EYA4: variants seen among roughly 807,000 people sequenced by gnomAD.
EYA4 encodes protein phosphatase EYA4.
A neutral mutation model predicts 87.9 loss-of-function variants in EYA4; 31 were observed. The observed-to-expected ratio is 0.35, with a 90% CI of 0.27 to 0.48. The LOEUF (loss-of-function observed/expected upper bound fraction) is 0.48. Among genes scored for constraint, EYA4 ranks in the 20% least tolerant of loss-of-function variants. EYA4 has a pLI of 0.99. For synonymous variants in EYA4, 263 were observed against 270.6 expected (o/e 0.97, Z 0.28); for missense variants, 678 against 761.4 (o/e 0.89, Z 1.29).
intron 3 of EYA4, among the ~76,000 whole-genome samples, chr6:133,423,621 T>A (rs1458738047): frequency 6.6e-6 from 1 of 152,202 alleles, no homozygotes; most frequent in African/African-American, 2.4e-5. Flanking sequence ...ATTACAAAGG[T>A]AGTATAGTTT....
At chr6:133,525,028 T>C (rs1220914803) in intron 18 of EYA4, 126 bp from the exon 19 acceptor site, 1 of 1,613,496 alleles carries the variant, frequency 6.2e-7, no homozygotes. Context: ...AGGAAAGCTG[T>C]TTTGAGCGTA....
chr6:133,481,377 G>T lies in EYA4; in HGVS notation c.971-86G>T. 3.8e-6 allele frequency: 5 copies of T among 1,313,302 alleles called. No homozygotes were observed. In the Admixed American group the frequency reaches 8.4e-5, roughly 22 times the overall value. The allele number at this position is 1,313,302 out of a possible 1,614,324, so 81.4% of individuals were successfully genotyped here. ...CCATCAGGAGGTTTCTATTGTATAG[G>T]AATTTGTTAAGATAATTAATAATGA... On this transcript the variant is annotated intron_variant, in intron 11 of 19. Coordinates refer to ENST00000355286, the MANE Select transcript of EYA4 (RefSeq NM_004100.5).
intron 3 of EYA4, among the ~76,000 whole-genome samples, chr6:133,410,432 A>G (rs1335138278): frequency 6.6e-6 from 1 of 151,702 alleles, no homozygotes; most frequent in Non-Finnish European, 1.5e-5. Context: ...TATTTTGAGA[A>G]GGTATTATTT....
At chr6:133,484,524 A>T (rs1247702117) in intron 13 of EYA4, among the ~76,000 whole-genome samples, 2 of 152,236 alleles carry the variant, frequency 1.3e-5, no homozygotes, top group African/African-American at 4.8e-5. Context: ...ACAACCATTT[A>T]CAAGAAGTGT....
chr6:133,455,723 T>G (rs954874021), intron 5 of EYA4, among the ~76,000 whole-genome samples: 1 of 152,198 alleles, frequency 6.6e-6, no homozygotes, highest in Non-Finnish European at 1.5e-5. Context: ...TAGCTTAGTT[T>G]ATTTCCTTGC....
At chr6:133,317,920 C>T (rs909593330) in intron 2 of EYA4, among the ~76,000 whole-genome samples, 9 of 151,690 alleles carry the variant, frequency 5.9e-5, no homozygotes, top group Non-Finnish European at 1.2e-4. Flanking sequence ...ACCCACCCAT[C>T]CACCCATTCC....
At chr6:133,406,695 TG>T (rs1384010893) in intron 3 of EYA4, among the ~76,000 whole-genome samples, 1 of 152,212 alleles carries the variant, frequency 6.6e-6, no homozygotes, top group Non-Finnish European at 1.5e-5. Context: ...TTTTTCAGAT[TG>T]AAAGCTGTTA....
At chr6:133,496,428 G>A (rs140809602) in intron 13 of EYA4, among the ~76,000 whole-genome samples, 45 of 152,150 alleles carry the variant, frequency 3.0e-4, no homozygotes, top group Admixed American at 1.5e-3. Flanking sequence ...AACATCTAAG[G>A]GCAGAACTGC....
intron 3 of EYA4, among the ~76,000 whole-genome samples, chr6:133,426,011 A>G (rs1303865871): frequency 6.6e-6 from 1 of 151,026 alleles, no homozygotes; most frequent in Non-Finnish European, 1.5e-5. Context: ...CATGCCATTG[A>G]ATAAACCTGT....
At chr6:133,355,104 T>C (rs890521306) in intron 2 of EYA4, among the ~76,000 whole-genome samples, 1 of 152,184 alleles carries the variant, frequency 6.6e-6, no homozygotes, top group African/African-American at 2.4e-5. Context: ...AACTTTTATT[T>C]TAAGTTCAGG....
intron 5 of EYA4, among the ~76,000 whole-genome samples, chr6:133,449,119 A>T (rs1338084239): frequency 6.6e-6 from 1 of 152,176 alleles, no homozygotes; most frequent in East Asian, 1.9e-4. Flanking sequence ...GATACTCTTA[A>T]TTCTATAGCA....
intron 2 of EYA4, among the ~76,000 whole-genome samples, chr6:133,295,361 A>G (rs1582876918): frequency 6.6e-6 from 1 of 152,214 alleles, no homozygotes; most frequent in South Asian, 2.1e-4. Flanking sequence ...CCTTACTAGG[A>G]CAACTGTCAT....
intron 7 of EYA4, 100 bp from the exon 8 acceptor site, chr6:133,462,235 G>A: frequency 3.1e-6 from 4 of 1,279,780 alleles, no homozygotes; most frequent in Non-Finnish European, 4.6e-6. Context: ...TGGATAAAGA[G>A]GATTACTTCC....
At chr6:133,507,243 C>T (rs530768878) in intron 14 of EYA4, 9 of 152,138 alleles carry the variant, frequency 5.9e-5, no homozygotes, top group Non-Finnish European at 1.2e-4. Flanking sequence ...TCTAAAGTTA[C>T]CTGCTATCTA....
chr6:133,383,181 T>A (rs150532), intron 3 of EYA4, among the ~76,000 whole-genome samples: 69 of 152,192 alleles, frequency 4.5e-4, no homozygotes, highest in African/African-American at 1.5e-3. Flanking sequence ...ATGGGTCTCG[T>A]TTTATTTTGT....
rs776867589 is a variant in EYA4 at position 133,464,764 on chromosome 6, GT to G, written c.725-9del. On this transcript the variant is annotated splice_polypyrimidine_tract_variant and intron_variant, in intron 9 of 19. Transcript: ENST00000355286. ...AAGGAATACTTTTAAAATGCAATTT[GT>G]TTTTTACCTCTAGGTTCTAGTTTTG... 6 of 1,516,926 alleles carry G rather than the reference GT, an allele frequency of 4.0e-6. No homozygotes were observed. In the Admixed American group the frequency reaches 6.7e-5, roughly 17 times the overall value. The allele number at this position is 1,516,926 out of a possible 1,614,324, so 94.0% of individuals were successfully genotyped here.
chr6:133,310,600 G>A (rs1285320303), intron 2 of EYA4, among the ~76,000 whole-genome samples: 1 of 152,172 alleles, frequency 6.6e-6, no homozygotes, highest in Non-Finnish European at 1.5e-5. Context: ...TTACGAACTT[G>A]AATATGGCAC....
At chr6:133,420,723 G>T (rs1273821236) in intron 3 of EYA4, among the ~76,000 whole-genome samples, 2 of 152,220 alleles carry the variant, frequency 1.3e-5, no homozygotes, top group Non-Finnish European at 2.9e-5. Context: ...TAAACTTGTG[G>T]TGTGCCCATA....
At chr6:133,473,696 G>T (rs1274732006) in intron 11 of EYA4, among the ~76,000 whole-genome samples, 1 of 151,826 alleles carries the variant, frequency 6.6e-6, no homozygotes, top group African/African-American at 2.4e-5. Context: ...CAGCCCCTTT[G>T]AATTTCTGGT....
Sources: allele counts gnomAD v4.1 joint callset (sites outside exome capture counted in the v4.1 genomes callset), GRCh38; gene constraint gnomAD v4.1.1; transcripts MANE v1.5; gene names NCBI Gene and HGNC (gene_info 2026-07-23, HGNC 2026-07-21).